KIAA1671: variants seen among roughly 807,000 people sequenced by gnomAD.
KIAA1671 encodes the protein KIAA1671, also known as uncharacterized protein KIAA1671.
KIAA1671 carries 52 observed loss-of-function variants against 131.2 expected under a neutral mutation model. The observed-to-expected ratio is 0.40, with a 90% confidence interval of 0.32 to 0.50. KIAA1671 has a LOEUF of 0.50. Ranked by LOEUF, KIAA1671 falls within the 20% of genes least tolerant of loss-of-function variation. The pLI is 0.73. For synonymous variants in KIAA1671, 1,003 were observed against 961.6 expected, an observed-to-expected ratio of 1.04 and a Z score of -0.80; for missense variants, 2,360 against 2,364.2, an observed-to-expected ratio of 1.00 and a Z score of 0.04.
intron 1 of KIAA1671, among the ~76,000 whole-genome samples, chr22:24,974,273 C>G (rs909816952): frequency 1.3e-5 from 2 of 152,078 alleles, no homozygotes; most frequent in Admixed American, 6.6e-5. Context: ...GGTCTCACCC[C>G]CTCCATGAGC....
At chr22:25,101,341 A>G (rs1930656477) in intron 6 of KIAA1671, among the ~76,000 whole-genome samples, 1 of 152,200 alleles carries the variant, frequency 6.6e-6, no homozygotes, top group Non-Finnish European at 1.5e-5. Flanking sequence ...GTAATTACAG[A>G]TTGGCTTTGC....
rs1207625050 is a variant in KIAA1671, at chr22:25,038,867, C to T, written c.1737C>T (p.Asn579=). 2 of 1,551,686 alleles carry T rather than the reference C, an allele frequency of 1.3e-6. No homozygotes were observed. The highest frequency in any genetic ancestry group is 1.4e-5 in the African/African-American group (1 of 73,060). ...AGACGGAGCAGAAGGTTAGCTCTAACCAAGACCCCGACAGCTGTCGCGGTG... is the reference window on the plus strand; with the variant it reads ...AGACGGAGCAGAAGGTTAGCTCTAATCAAGACCCCGACAGCTGTCGCGGTG... ...SRQTEQKVSS[N]QDPDSCRGGS... is the part of the protein sequence containing the mutation. The change falls in exon 5 of 13, where the codon AAC becomes AAT. Residue 579 remains asparagine (N), a synonymous_variant. Coordinates refer to ENST00000358431, the MANE Select transcript of KIAA1671 (RefSeq NM_001145206.2).
chr22:25,031,193 ATTTTTTTTTTTT>A (rs58221822), intron 3 of KIAA1671, among the ~76,000 whole-genome samples: 6 of 113,354 alleles, frequency 5.3e-5, no homozygotes, highest in African/African-American at 1.9e-4. Flanking sequence ...CACCCAGCTA[ATTTTTTTTTTTT>A]TTTTTTTTTT....
chr22:24,973,430 G>A (rs1344131564), intron 1 of KIAA1671, among the ~76,000 whole-genome samples: 7 of 122,442 alleles, frequency 5.7e-5, no homozygotes, highest in African/African-American at 2.1e-4. Flanking sequence ...ACGGAGTCTC[G>A]CTGTGTTGCC....
rs115474115 is a variant in KIAA1671, at chr22:24,956,226, A to C, written c.-208+3454A>C. On this transcript the variant is annotated intron_variant, in intron 1 of 12. Coordinates refer to ENST00000358431, the MANE Select transcript of KIAA1671 (RefSeq NM_001145206.2). ...TGTAACAGTCTACCTGGGGTAAGGA[A>C]ACCCCTCAGAGGGAGTGGTATCAGT... is the stretch of plus-strand genomic sequence containing the variant. Among the ~76,000 whole-genome samples, 697 of 152,274 alleles carry C rather than the reference A, an allele frequency of 4.6e-3. 4 individuals are homozygous for C. Among genetic ancestry groups the C allele is most frequent in the African/African-American group, 0.016 (656 of 41,560 alleles).
At position 25,194,160 on chromosome 22, in the gene KIAA1671, A is replaced by G. The variant is rs1401050403; in HGVS notation, c.*1759A>G. ...TGGAGTGGCACGATCATAGCTCACT[A>G]ACACCTGGGCTCAAGTGATTCTCCC... On this transcript the variant is annotated 3_prime_UTR_variant, in exon 13 of 13. Transcript: ENST00000358431. 6.6e-6 allele frequency: 1 copy of G among 152,116 alleles called. No homozygotes were observed. Among genetic ancestry groups the G allele is most frequent in the Non-Finnish European group, 1.5e-5 (1 of 68,034 alleles). 9.4% of individuals were successfully genotyped at this position (152,116 alleles called of 1,614,324 possible). A position where few individuals can be genotyped will look rare whatever the true frequency, so the allele number is the denominator to read the frequency against.
chr22:25,081,309 G>A (rs1929393465), intron 6 of KIAA1671, among the ~76,000 whole-genome samples: 1 of 152,244 alleles, frequency 6.6e-6, no homozygotes, highest in African/African-American at 2.4e-5. Context: ...TTCAGAGTCA[G>A]ACAGATGTGG....
At chr22:25,150,444 C>T (rs1200107447) in intron 6 of KIAA1671, among the ~76,000 whole-genome samples, 1 of 152,200 alleles carries the variant, frequency 6.6e-6, no homozygotes, top group East Asian at 1.9e-4. Flanking sequence ...GAGCCCTTTC[C>T]CTGTGCTAAG....
intron 6 of KIAA1671, among the ~76,000 whole-genome samples, chr22:25,145,242 G>A (rs1303233578): frequency 6.6e-6 from 1 of 152,170 alleles, no homozygotes; most frequent in Admixed American, 6.5e-5. Context: ...AAATACCACC[G>A]GCTCTTTTCC....
intron 6 of KIAA1671, among the ~76,000 whole-genome samples, chr22:25,115,898 T>TC (rs1931629570): frequency 6.6e-6 from 1 of 152,176 alleles, no homozygotes; most frequent in African/African-American, 2.4e-5. Context: ...TGCCTCAGCC[T>TC]CCCCAGTAGC....
At chr22:25,105,874 T>C (rs1419462210) in intron 6 of KIAA1671, among the ~76,000 whole-genome samples, 2 of 151,184 alleles carry the variant, frequency 1.3e-5, no homozygotes, top group Non-Finnish European at 2.9e-5. Context: ...CTTGTGTTGG[T>C]CATTTCACTT....
Position 25,029,553 on chromosome 22 carries a change from A to G in KIAA1671, c.1541+13A>G. Reference sequence around the variant, plus strand: ...ATTTGACCAAATTGTAAGTAGGCACATCCCACACCCCTCTCTCAGCCGCCC... The same window carrying G: ...ATTTGACCAAATTGTAAGTAGGCACGTCCCACACCCCTCTCTCAGCCGCCC... On this transcript the variant is annotated intron_variant, in intron 3 of 12. Transcript: ENST00000358431. 2 of 1,506,940 alleles carry G rather than the reference A, an allele frequency of 1.3e-6. No individual in the cohort carries two copies. The highest frequency in any genetic ancestry group is 1.3e-5 in the South Asian group (1 of 78,428). The allele number at this position is 1,506,940 out of a possible 1,614,324, so 93.3% of individuals were successfully genotyped here. A position where few individuals can be genotyped will look rare whatever the true frequency, so the allele number is the denominator to read the frequency against.
In KIAA1671 at chr22:25,039,768, C is replaced by A. The variant is rs1482861344; in HGVS notation, c.2638C>A (p.Gln880Lys). ...KPGVGARGPP[Q>K]GCPLDPLSRA... The stretch of plus-strand genomic sequence containing the variant: ...AGGAGTGGGAGCAAGGGGCCCACCC[C>A]AGGGATGCCCCCTCGATCCTCTTTC... The change falls in exon 5 of 13, where the codon CAG becomes AAG. Residue 880 changes from glutamine to lysine, a missense_variant. This residue lies in a region of KIAA1671 where 1,161 missense variants were observed against 1,204.7 expected (regional missense o/e 0.96). Transcript: ENST00000358431. 1.4e-5 allele frequency: 21 copies of A among 1,500,872 alleles called. No homozygotes were observed. Among genetic ancestry groups the A allele is most frequent in the Admixed American group, 2.2e-5 (1 of 45,834 alleles). 93.0% of individuals were successfully genotyped at this position (1,500,872 alleles called of 1,614,324 possible). A position where few individuals can be genotyped will look rare whatever the true frequency, so the allele number is the denominator to read the frequency against.
At chr22:24,985,875 T>C (rs1923502380) in intron 1 of KIAA1671, among the ~76,000 whole-genome samples, 1 of 151,844 alleles carries the variant, frequency 6.6e-6, no homozygotes, top group Non-Finnish European at 1.5e-5. Flanking sequence ...CCCTTCCCAT[T>C]GAGGATTTTT....
At chr22:25,021,046 G>A (rs1925640740) in intron 1 of KIAA1671, among the ~76,000 whole-genome samples, 1 of 152,150 alleles carries the variant, frequency 6.6e-6, no homozygotes, top group South Asian at 2.1e-4. Flanking sequence ...AGCTGAGGCA[G>A]AATCGTCAGT....
intron 6 of KIAA1671, chr22:25,070,303 G>A (rs1402054521): frequency 4.8e-6 from 2 of 419,234 alleles, no homozygotes; most frequent in East Asian, 3.6e-5. Context: ...GAGAAGAGCC[G>A]CTCCCGCTAG....
intron 6 of KIAA1671, among the ~76,000 whole-genome samples, chr22:25,095,608 G>A (rs534746381): frequency 2.0e-5 from 3 of 152,108 alleles, no homozygotes; most frequent in South Asian, 4.1e-4. Context: ...CTGAGGTCGC[G>A]CCACTGCACT....
At chr22:25,069,873 CA>C in intron 6 of KIAA1671, 1 of 152,876 alleles carries the variant, frequency 6.5e-6, no homozygotes, top group African/African-American at 2.4e-5. Flanking sequence ...CACACATGCA[CA>C]AAACACACTC....
chr22:24,975,975 G>A (rs919234427), intron 1 of KIAA1671, among the ~76,000 whole-genome samples: 3 of 152,384 alleles, frequency 2.0e-5, no homozygotes, highest in East Asian at 1.9e-4. Context: ...ACTATTCAGC[G>A]TGGGCTTCCC....
Sources: allele counts gnomAD v4.1 joint callset (sites outside exome capture counted in the v4.1 genomes callset), GRCh38; gene constraint gnomAD v4.1.1; regional missense constraint gnomAD v4.1.1; transcripts MANE v1.5; gene names NCBI Gene and HGNC (gene_info 2026-07-23, HGNC 2026-07-21).